Variants in UMODL1 observed in about 807,000 individuals in gnomAD.
UMODL1 encodes uromodulin like 1.
UMODL1 carries 128 observed loss-of-function variants against 136.3 expected under a neutral mutation model. The observed-to-expected ratio is 0.94, with a 90% confidence interval of 0.81 to 1.09. UMODL1 has a LOEUF of 1.09. UMODL1 is among the 50% of genes least tolerant of loss of function. UMODL1 has a pLI of 0.00. For synonymous variants in UMODL1, 721 were observed against 720.0 expected (o/e 1.00, Z -0.02); for missense variants, 1,766 against 1,725.6 (o/e 1.02, Z -0.41).
chr21:42,120,168 G>A (rs949551081), intron 15 of UMODL1, among the ~76,000 whole-genome samples: 3 of 152,232 alleles, frequency 2.0e-5, no homozygotes, highest in Middle Eastern at 3.2e-3. Context: ...CAAACAAAAG[G>A]TCTCTTTACT....
intron 1 of UMODL1, among the ~76,000 whole-genome samples, chr21:42,065,660 C>G (rs1601161636): frequency 6.6e-6 from 1 of 151,920 alleles, no homozygotes; most frequent in Non-Finnish European, 1.5e-5. Flanking sequence ...GCCTCAGCCT[C>G]CCGAGTAGCT....
In UMODL1 at chr21:42,116,004, C is replaced by T. The variant is rs2066897249; in HGVS notation, c.2475+19C>T. 6.3e-7 allele frequency: 1 copy of T among 1,587,578 alleles called. No individual in the cohort carries two copies. The highest frequency in any genetic ancestry group is 2.2e-5 in the East Asian group (1 of 44,610). On this transcript the variant is annotated intron_variant, in intron 14 of 22. Transcript: ENST00000408910. ...CAGGATGGTGAGTTGGTGATATCAGCCCTTAATTCCTTTCAGGAGGGAAAG... is the reference window on the plus strand; with the variant it reads ...CAGGATGGTGAGTTGGTGATATCAGTCCTTAATTCCTTTCAGGAGGGAAAG...
rs540219224 is a variant in UMODL1, at chr21:42,111,824, G to A, written c.2104+114G>A. The A allele has an allele frequency of 5.9e-5, 65 of 1,102,452 alleles. No individual in the cohort carries two copies. The African/African-American group carries it at 9.5e-4, about 16-fold the overall frequency. 68.3% of individuals were successfully genotyped at this position (1,102,452 alleles called of 1,614,324 possible). On this transcript the variant is annotated intron_variant, in intron 12 of 22. Coordinates refer to ENST00000408910, the MANE Select transcript of UMODL1 (RefSeq NM_001004416.3). ...AGTCGCAGGCTGCTAGCAATGCTCA[G>A]GCGGCATCCTCATCTTGTGCGTGTG...
In UMODL1 at chr21:42,097,808, G is replaced by A. The variant is rs965244905; in HGVS notation, c.932-1118G>A. On this transcript the variant is annotated intron_variant, in intron 6 of 22. Coordinates refer to ENST00000408910, the MANE Select transcript of UMODL1 (RefSeq NM_001004416.3). ...TTACTGCCCAGACACTTGCTGTACA[G>A]CCAGAATGTTTTTAACCAAAAAAGA... is the stretch of plus-strand genomic sequence containing the variant. 2.6e-5 allele frequency among the ~76,000 whole-genome samples: 4 copies of A among 152,156 alleles called. No individual in the cohort carries two copies. In the East Asian group the frequency reaches 5.8e-4, roughly 22 times the overall value.
chr21:42,125,383 C>T (rs530701977), intron 17 of UMODL1, among the ~76,000 whole-genome samples: 51 of 152,206 alleles, frequency 3.4e-4, no homozygotes, highest in African/African-American at 1.1e-3. Context: ...GTGGACGCGT[C>T]GGAGGCCATT....
intron 22 of UMODL1, among the ~76,000 whole-genome samples, chr21:42,139,760 CTCTA>C (rs2067254150): frequency 6.6e-6 from 1 of 152,140 alleles, no homozygotes; most frequent in African/African-American, 2.4e-5. Flanking sequence ...TTCCTCGTAA[CTCTA>C]TCTAGGGAGG....
intron 1 of UMODL1, among the ~76,000 whole-genome samples, chr21:42,065,103 A>G (rs1023025651): frequency 6.6e-6 from 1 of 152,152 alleles, no homozygotes; most frequent in Admixed American, 6.5e-5. Flanking sequence ...CTTTTATCCC[A>G]ACCTCAGCCC....
At chr21:42,076,361 C>A in intron 2 of UMODL1, 114 bp downstream of exon 2, 1 of 1,507,126 alleles carries the variant, frequency 6.6e-7, no homozygotes, top group Non-Finnish European at 9.0e-7. Flanking sequence ...TCCAGGAGCA[C>A]GGCTCCCAGC....
upstream of UMODL1, among the ~76,000 whole-genome samples, chr21:42,066,400 A>G (rs2066183309): frequency 1.3e-5 from 2 of 152,190 alleles, no homozygotes; most frequent in Admixed American, 6.5e-5. Flanking sequence ...CTCCTGCCTC[A>G]GCCTTCCGAG....
chr21:42,137,241 C>T lies in UMODL1; in HGVS notation c.3776-198C>T, dbSNP rs561075524. Among the ~76,000 whole-genome samples the T allele has an allele frequency of 1.1e-4, 17 of 152,382 alleles. No individual in the cohort carries two copies. In the South Asian group the frequency reaches 3.3e-3, roughly 30 times the overall value. On this transcript the variant is annotated intron_variant, in intron 21 of 22. Coordinates refer to ENST00000408910, the MANE Select transcript of UMODL1 (RefSeq NM_001004416.3). ...TCAAGGCCCAGGCCTCCCCAGGCTG[C>T]GCTGTCCTTACTGCAATGCTGTCCT...
intron 13 of UMODL1, among the ~76,000 whole-genome samples, chr21:42,114,595 C>T (rs1052699131): frequency 1.3e-5 from 2 of 152,114 alleles, no homozygotes; most frequent in African/African-American, 4.8e-5. Context: ...CACAGTGGGG[C>T]GCACACCCCT....
chr21:42,065,539 T>C (rs562450257), intron 1 of UMODL1, among the ~76,000 whole-genome samples: 12 of 150,324 alleles, frequency 8.0e-5, no homozygotes, highest in African/African-American at 3.0e-4. Flanking sequence ...TTTCTTTTTT[T>C]TTCTTTTTTT....
upstream of UMODL1, among the ~76,000 whole-genome samples, chr21:42,068,001 G>A (rs1213582263): frequency 1.3e-5 from 2 of 152,204 alleles, no homozygotes; most frequent in African/African-American, 4.8e-5. This position sits in a 1 kb window ranked among gnomAD's most constrained non-coding sequence, Gnocchi z 5.5. Flanking sequence ...AGAGAGAGAT[G>A]GGGGAGGGGA....
chr21:42,126,894 G>A (rs925901259), intron 18 of UMODL1, 112 bp from the exon 19 acceptor site: 32 of 915,862 alleles, frequency 3.5e-5, no homozygotes, highest in African/African-American at 1.3e-4. Context: ...GGGTCTTCTC[G>A]TTCATTTGCA....
intron 17 of UMODL1, among the ~76,000 whole-genome samples, chr21:42,125,709 G>A (rs1344173440): frequency 1.3e-5 from 2 of 152,038 alleles, no homozygotes; most frequent in South Asian, 2.1e-4. Context: ...AGGGAGGTCT[G>A]GGGTGAGAGG....
At chr21:42,074,647 A>G (rs1323385969) in intron 1 of UMODL1, among the ~76,000 whole-genome samples, 1 of 152,182 alleles carries the variant, frequency 6.6e-6, no homozygotes, top group Admixed American at 6.5e-5. Context: ...GTGGGGCCCA[A>G]TAGGGTAAAC....
Position 42,076,057 on chromosome 21 carries a change from C to G in UMODL1, c.129C>G (p.His43Gln). The G allele has an allele frequency of 1.2e-6, 2 of 1,614,264 alleles. No homozygotes were observed. Among genetic ancestry groups the G allele is most frequent in the Non-Finnish European group, 1.7e-6 (2 of 1,180,050 alleles). ...GYQLCSHRVT[H>Q]TVQKVEAVQT... ...AGCTATGCAGCCACCGTGTGACCCA[C>G]ACTGTACAGAAGGTGGAGGCCGTGC... The change falls in exon 2 of 23, where the codon CAC (histidine) becomes CAG (glutamine). Residue 43 changes from histidine (H) to glutamine (Q), a missense_variant. By Grantham distance (24) the His-to-Gln change is conservative. Transcript: ENST00000408910.
intron 14 of UMODL1, 57 bp from the exon 15 acceptor site, chr21:42,119,054 C>A (rs76209394): frequency 3.9e-6 from 6 of 1,554,496 alleles, no homozygotes; most frequent in Admixed American, 1.8e-5. Context: ...CGCCTTGAGA[C>A]GGGCATCTGT....
intron 2 of UMODL1, among the ~76,000 whole-genome samples, chr21:42,083,087 A>C (rs971447949): frequency 5.9e-5 from 9 of 152,182 alleles, no homozygotes; most frequent in Admixed American, 5.9e-4. Flanking sequence ...CTAGAGCTGC[A>C]TCGGAGCTGC....
Sources: gnomAD v4.1 joint callset for allele counts (sites outside exome capture counted in the v4.1 genomes callset) on GRCh38, gnomAD v4.1.1 for gene constraint, Gnocchi (gnomAD v3.1) non-coding constraint, MANE v1.5 for transcripts, NCBI Gene and HGNC (gene_info 2026-07-23, HGNC 2026-07-21) for gene names.